The following SCNN1G variants were observed in gnomAD, a reference collection of about 807,000 sequenced individuals.
SCNN1G encodes epithelial sodium channel subunit gamma.
In SCNN1G, 27 loss-of-function variants were observed where a neutral mutation model predicts 64.6. That is an observed-to-expected ratio of 0.42 (90% CI 0.31 to 0.58). The LOEUF (loss-of-function observed/expected upper bound fraction) is 0.58. Ranked by LOEUF, SCNN1G falls within the 20% of genes least tolerant of loss-of-function variation. The pLI, the probability that SCNN1G is intolerant of heterozygous loss-of-function variation, is 0.18. For synonymous variants in SCNN1G, 330 were observed against 314.2 expected (o/e 1.05, Z -0.53); for missense variants, 743 against 823.4 (o/e 0.90, Z 1.19).
chr16:23,189,511 G>C lies in SCNN1G; in HGVS notation c.458G>C (p.Arg153Thr), dbSNP rs1425102710. The change falls in exon 3 of 13, where the codon AGA (arginine) becomes ACA (threonine). Residue 153 changes from arginine to threonine, a missense_variant. Physicochemically the swap from Arg to Thr is moderately conservative, Grantham distance 71 (BLOSUM62 -1). Coordinates refer to ENST00000300061, the MANE Select transcript of SCNN1G (RefSeq NM_001039.4). Reference protein sequence around the residue: ...WNSVSEGKQPRFSHRIPLLIF... With the variant: ...WNSVSEGKQPTFSHRIPLLIF... ...TCCGTCTCAGAGGGAAAGCAGCCTA[G>C]ATTCTCCCACCGGATTCCGCTGCTG... 2 of 1,614,240 alleles carry C rather than the reference G, an allele frequency of 1.2e-6. No individual in the cohort carries two copies. The highest frequency in any genetic ancestry group is 1.1e-5 in the South Asian group (1 of 91,088).
chr16:23,205,273 G>T (rs375231471), intron 6 of SCNN1G, among the ~76,000 whole-genome samples: 40 of 152,126 alleles, frequency 2.6e-4, no homozygotes, highest in African/African-American at 9.2e-4. Flanking sequence ...ACCATAATAC[G>T]GTCCGTTGAG....
In SCNN1G at chr16:23,194,232, A is replaced by C; in HGVS notation, c.871A>C (p.Asn291His). The C allele has an allele frequency of 1.2e-6, 2 of 1,613,982 alleles. No individual in the cohort carries two copies. The highest frequency in any genetic ancestry group is 1.7e-6 in the Non-Finnish European group (2 of 1,179,930). ...TTGCTATACTTTCAACAACAGAGAAAATGAGACCATTCTCAGCACCTCCAT... is the reference window on the plus strand; with the variant it reads ...TTGCTATACTTTCAACAACAGAGAACATGAGACCATTCTCAGCACCTCCAT... ...GNCYTFNNRE[N>H]ETILSTSMGG... Residue 291 changes from asparagine to histidine, a missense_variant, in exon 5 of 13, where the codon AAT becomes CAT. Transcript: ENST00000300061.
Position 23,186,430 on chromosome 16 carries a change from C to T in SCNN1G, c.159C>T (p.Arg53=), listed in dbSNP as rs536006286. The change falls in exon 2 of 13, where the codon CGC becomes CGT. Residue 53 remains arginine (R), a synonymous_variant. Coordinates refer to ENST00000300061, the MANE Select transcript of SCNN1G (RefSeq NM_001039.4). The stretch of plus-strand genomic sequence containing the variant: ...TGGTGTCCCGCGGCCGTCTGCGCCG[C>T]CTCCTCTGGATCGGGTTCACACTGA... The part of the protein sequence containing the change: ...RIVVSRGRLR[R]LLWIGFTLTA... The T allele has an allele frequency of 6.2e-7, 1 of 1,614,256 alleles. No individual in the cohort carries two copies. Among genetic ancestry groups the T allele is most frequent in the Non-Finnish European group, 8.5e-7 (1 of 1,180,056 alleles).
At chr16:23,198,546 C>T (rs570171393) in intron 6 of SCNN1G, among the ~76,000 whole-genome samples, 1 of 152,242 alleles carries the variant, frequency 6.6e-6, no homozygotes, top group African/African-American at 2.4e-5. Context: ...GCCTGGGCAA[C>T]ATAGCAAAAC....
chr16:23,185,340 G>T (rs1298290436), intron 1 of SCNN1G, among the ~76,000 whole-genome samples: 1 of 152,148 alleles, frequency 6.6e-6, no homozygotes, highest in African/African-American at 2.4e-5. Context: ...AACATGAAAT[G>T]AGTTTTTATG....
intron 6 of SCNN1G, among the ~76,000 whole-genome samples, chr16:23,197,837 G>A (rs936397146): frequency 5.9e-5 from 9 of 151,266 alleles, no homozygotes; most frequent in African/African-American, 2.2e-4. Flanking sequence ...CCGAGATCAC[G>A]CCACTGCACT....
At position 23,215,437 on chromosome 16, in the gene SCNN1G, C is replaced by T; in HGVS notation, c.1918C>T (p.Leu640Phe). 6.2e-7 allele frequency: 1 copy of T among 1,612,690 alleles called. No individual in the cohort carries two copies. Among genetic ancestry groups the T allele is most frequent in the Admixed American group, 1.7e-5 (1 of 60,012 alleles). ...LRLERAFSNQ[L>F]TDTQMLDEL ...CTTGGAGAGGGCCTTTTCCAACCAG[C>T]TCACAGATACCCAGATGCTGGATGA... The change falls in exon 13 of 13, where the codon CTC becomes TTC. Residue 640 changes from leucine to phenylalanine, a missense_variant. Transcript: ENST00000300061.
intron 6 of SCNN1G, among the ~76,000 whole-genome samples, chr16:23,204,992 T>C (rs953458533): frequency 2.6e-5 from 4 of 152,164 alleles, no homozygotes; most frequent in Admixed American, 2.0e-4. Flanking sequence ...ATTGTATTTT[T>C]AGTAGAGACG....
chr16:23,201,650 G>A (rs1596770618), intron 6 of SCNN1G, among the ~76,000 whole-genome samples: 1 of 152,100 alleles, frequency 6.6e-6, no homozygotes, highest in African/African-American at 2.4e-5. Flanking sequence ...TGATTAATAG[G>A]TGTGTGAAGC....
chr16:23,202,365 T>C (rs1209904948), intron 6 of SCNN1G, among the ~76,000 whole-genome samples: 3 of 151,684 alleles, frequency 2.0e-5, no homozygotes, highest in Non-Finnish European at 1.5e-5. Context: ...GCTGAATGGA[T>C]AGATAGGTGA....
chr16:23,188,964 G>A (rs2141929019), intron 2 of SCNN1G, among the ~76,000 whole-genome samples: 1 of 152,306 alleles, frequency 6.6e-6, no homozygotes, highest in South Asian at 2.1e-4. Flanking sequence ...GGCAGAGGCA[G>A]AGTGAGCTGG....
intron 6 of SCNN1G, among the ~76,000 whole-genome samples, chr16:23,203,358 G>A (rs745622278): frequency 3.9e-5 from 6 of 152,108 alleles, no homozygotes; most frequent in Non-Finnish European, 8.8e-5. Flanking sequence ...TGGGGTTGGG[G>A]ACCAGGCCCT....
chr16:23,214,779 G>A lies in SCNN1G; in HGVS notation c.1561G>A (p.Ala521Thr), dbSNP rs759949272. Residue 521 changes from alanine to threonine, a missense_variant, in exon 12 of 13, where the codon GCC becomes ACC. Physicochemically the swap from Ala to Thr is moderately conservative, Grantham distance 58. Transcript: ENST00000300061. ...CCAGAGATCCATCATGGAGAGCCCA[G>A]CCAACAGTGTGAGTAGAGTGGCTTC... ...LNQRSIMESP[A>T]NSIEMLLSNF... The A allele has an allele frequency of 6.8e-6, 11 of 1,613,426 alleles. No individual in the cohort carries two copies. The highest frequency in any genetic ancestry group is 8.5e-6 in the Non-Finnish European group (10 of 1,179,334).
intron 7 of SCNN1G, among the ~76,000 whole-genome samples, chr16:23,210,841 G>T (rs3922903): frequency 0.21 from 32,144 of 151,876 alleles, 3,514 homozygotes; most frequent in African/African-American, 0.25. Context: ...AGACCAGCCT[G>T]GGCAACATAG....
At position 23,209,836 on chromosome 16, in the gene SCNN1G, C is replaced by T. The variant is rs72647518; in HGVS notation, c.1164C>T (p.Ala388=). ...CAATCAGGAACATCTACAACGCTGC[C>T]TACTCGCTCCAGGTAACAGATTGGC... is the stretch of plus-strand genomic sequence containing the variant. The part of the protein sequence containing the change: ...DVPIRNIYNA[A]YSLQICLHSC... The change falls in exon 7 of 13, where the codon GCC becomes GCT. Residue 388 remains alanine (A), a synonymous_variant. Transcript: ENST00000300061. The T allele has an allele frequency of 9.3e-6, 15 of 1,613,102 alleles. No individual in the cohort carries two copies. In the African/African-American group the frequency reaches 1.3e-4, roughly 14 times the overall value.
At chr16:23,203,090 A>G (rs1959918677) in intron 6 of SCNN1G, among the ~76,000 whole-genome samples, 1 of 152,228 alleles carries the variant, frequency 6.6e-6, no homozygotes, top group Non-Finnish European at 1.5e-5. Flanking sequence ...ATAAGTAGGA[A>G]CAGAAGCCAG....
chr16:23,204,334 T>TATAG (rs1567267153), intron 6 of SCNN1G, among the ~76,000 whole-genome samples: 3 of 15,174 alleles, frequency 2.0e-4, no homozygotes, highest in African/African-American at 2.8e-4. Context: ...TATATATATA[T>TATAG]AGAGAGAGAG....
chr16:23,183,342 C>T (rs929513757), intron 1 of SCNN1G, among the ~76,000 whole-genome samples: 1 of 152,224 alleles, frequency 6.6e-6, no homozygotes, highest in Non-Finnish European at 1.5e-5. Flanking sequence ...CGGGGTCGCT[C>T]GGCAGGAGCT....
In SCNN1G at chr16:23,215,626, C is replaced by A; in HGVS notation, c.*157C>A. ...GCCTGCTTTAAACCGCAAGATGGGG[C>A]CTGGGCATGCGCAGGAGGAGCCATC... On this transcript the variant is annotated 3_prime_UTR_variant, in exon 13 of 13. Coordinates refer to ENST00000300061, the MANE Select transcript of SCNN1G (RefSeq NM_001039.4). The A allele has an allele frequency of 1.2e-6, 1 of 804,370 alleles. No individual in the cohort carries two copies. The allele number at this position is 804,370 out of a possible 1,614,324, so 49.8% of individuals were successfully genotyped here.
Sources: gnomAD v4.1 joint callset for allele counts (sites outside exome capture counted in the v4.1 genomes callset) on GRCh38, gnomAD v4.1.1 for gene constraint, MANE v1.5 for transcripts, NCBI Gene and HGNC (gene_info 2026-07-23, HGNC 2026-07-21) for gene names.